Variants in FHIT observed in about 807,000 individuals in gnomAD.
The protein encoded by FHIT is fragile histidine triad diadenosine triphosphatase.
FHIT carries 19 observed loss-of-function variants against 17.9 expected under a neutral mutation model. The observed-to-expected ratio is 1.06, with a 90% CI of 0.74 to 1.56. The LOEUF (loss-of-function observed/expected upper bound fraction) is 1.56, where lower values mean the gene tolerates loss of function less well. FHIT is among the 40% of genes most tolerant of loss of function. The pLI, the probability that FHIT is intolerant of heterozygous loss-of-function variation, is 0.00. For synonymous variants in FHIT, 81 were observed against 69.7 expected (o/e 1.16, Z -0.81); for missense variants, 248 against 189.2 (o/e 1.31, Z -1.82).
intron 5 of FHIT, among the ~76,000 whole-genome samples, chr3:60,336,191 T>C (rs1451642064): frequency 6.6e-6 from 1 of 152,208 alleles, no homozygotes; most frequent in Non-Finnish European, 1.5e-5. Context: ...CGAACCAAGT[T>C]GGGGCTGCTT....
intron 5 of FHIT, among the ~76,000 whole-genome samples, chr3:60,247,346 A>C (rs1374059321): frequency 1.3e-5 from 2 of 151,998 alleles, no homozygotes; most frequent in African/African-American, 4.8e-5. Context: ...CAAATATCAC[A>C]AGACCTTGCA....
intron 8 of FHIT, among the ~76,000 whole-genome samples, chr3:59,831,038 C>T (rs978221969): frequency 6.6e-6 from 1 of 152,022 alleles, no homozygotes; most frequent in Non-Finnish European, 1.5e-5. Context: ...GCATAGTATC[C>T]GATGTTACCA....
intron 4 of FHIT, among the ~76,000 whole-genome samples, chr3:60,562,547 C>T (rs1285331062): frequency 6.6e-6 from 1 of 152,118 alleles, no homozygotes. Context: ...CTGACACTGA[C>T]TATTATTAGG....
At chr3:61,072,493 A>G (rs2034837153) in intron 2 of FHIT, among the ~76,000 whole-genome samples, 1 of 152,200 alleles carries the variant, frequency 6.6e-6, no homozygotes, top group South Asian at 2.1e-4. Context: ...CAGAAGGATG[A>G]GTATTCATTG....
intron 5 of FHIT, among the ~76,000 whole-genome samples, chr3:60,472,842 T>A (rs1470893154): frequency 1.3e-5 from 2 of 151,486 alleles, no homozygotes; most frequent in Non-Finnish European, 2.9e-5. Context: ...AAGTTGGGGG[T>A]GGGGGTGGAG....
chr3:60,482,197 A>G (rs1056395239), intron 5 of FHIT, among the ~76,000 whole-genome samples: 1 of 152,214 alleles, frequency 6.6e-6, no homozygotes, highest in African/African-American at 2.4e-5. Context: ...AGACCTACAA[A>G]GAGACTTAGA....
chr3:60,051,716 T>A (rs1176434973), intron 5 of FHIT, among the ~76,000 whole-genome samples: 3 of 152,168 alleles, frequency 2.0e-5, no homozygotes. Flanking sequence ...TTCCCTTCAA[T>A]GCTTTGATCC....
At chr3:60,843,912 C>T (rs1332945735) in intron 3 of FHIT, among the ~76,000 whole-genome samples, 1 of 152,016 alleles carries the variant, frequency 6.6e-6, no homozygotes, top group Non-Finnish European at 1.5e-5. Flanking sequence ...TACAGGCTAC[C>T]TCAATCCTGA....
At chr3:60,390,868 T>C (rs1364393532) in intron 5 of FHIT, among the ~76,000 whole-genome samples, 1 of 152,028 alleles carries the variant, frequency 6.6e-6, no homozygotes, top group Non-Finnish European at 1.5e-5. Context: ...AAAAAAAAAT[T>C]TAAGTTTATA....
chr3:60,239,268 G>C (rs967208948), intron 5 of FHIT, among the ~76,000 whole-genome samples: 4 of 152,146 alleles, frequency 2.6e-5, no homozygotes, highest in African/African-American at 9.7e-5. Flanking sequence ...CTTTTTGAAA[G>C]CATCTTTTTG....
chr3:60,282,387 G>A (rs1188885148), intron 5 of FHIT, among the ~76,000 whole-genome samples: 5 of 152,126 alleles, frequency 3.3e-5, no homozygotes, highest in Non-Finnish European at 7.4e-5. Flanking sequence ...TGACATTATG[G>A]AAAAGGGAAA....
Position 60,973,542 on chromosome 3 carries a change from C to T in FHIT, c.-111+68505G>A, listed in dbSNP as rs575996015. On this transcript the variant is annotated intron_variant, in intron 3 of 9. Coordinates refer to ENST00000492590, the MANE Select transcript of FHIT (RefSeq NM_002012.4). ...TTTCCTCCAGTCCTTTGTTGGTAGC[C>T]CTGAACTCCACTGGTCAGGAAAGAA... 3.9e-5 allele frequency among the ~76,000 whole-genome samples: 6 copies of T among 152,178 alleles called. No individual in the cohort carries two copies. The East Asian group carries it at 1.2e-3, about 29-fold the overall frequency.
chr3:60,220,678 A>G (rs942737498), intron 5 of FHIT, among the ~76,000 whole-genome samples: 1 of 152,190 alleles, frequency 6.6e-6, no homozygotes, highest in African/African-American at 2.4e-5. Flanking sequence ...GTTTGGCTAA[A>G]GGAGGACAAG....
chr3:60,555,402 G>T (rs1171795940), intron 4 of FHIT, among the ~76,000 whole-genome samples: 2 of 152,160 alleles, frequency 1.3e-5, no homozygotes, highest in Non-Finnish European at 2.9e-5. Context: ...TTAAATAAAA[G>T]ACGAATTTAA....
At chr3:60,689,977 C>T (rs1188348852) in intron 4 of FHIT, among the ~76,000 whole-genome samples, 1 of 152,138 alleles carries the variant, frequency 6.6e-6, no homozygotes, top group East Asian at 1.9e-4. Flanking sequence ...TAACAACCAG[C>T]CACTTCTCTG....
intron 4 of FHIT, among the ~76,000 whole-genome samples, chr3:60,570,899 G>C (rs190390687): frequency 1.4e-3 from 210 of 152,010 alleles, no homozygotes; most frequent in African/African-American, 4.8e-3. Flanking sequence ...AGAACACTTA[G>C]GGGCCATTGT....
chr3:60,201,981 GGATTGCCCACA>G (rs1702932525), intron 5 of FHIT, among the ~76,000 whole-genome samples: 2 of 152,138 alleles, frequency 1.3e-5, no homozygotes, highest in African/African-American at 4.8e-5. Context: ...GCCTGTCCCA[GGATTGCCCACA>G]TATGTCTTCT....
chr3:60,206,913 A>C (rs1703219385), intron 5 of FHIT, among the ~76,000 whole-genome samples: 2 of 152,150 alleles, frequency 1.3e-5, no homozygotes. Flanking sequence ...ATATATTTGC[A>C]TTGTTTCATG....
At chr3:60,585,911 A>G (rs1435644020) in intron 4 of FHIT, among the ~76,000 whole-genome samples, 1 of 151,906 alleles carries the variant, frequency 6.6e-6, no homozygotes, top group Non-Finnish European at 1.5e-5. Flanking sequence ...GGGACTTCTC[A>G]GAGCCCTTAG....
Sources: allele counts gnomAD v4.1 joint callset (sites outside exome capture counted in the v4.1 genomes callset), GRCh38; gene constraint gnomAD v4.1.1; transcripts MANE v1.5; gene names NCBI Gene and HGNC (gene_info 2026-07-23, HGNC 2026-07-21).